The following RNF32 variants were observed in gnomAD, a reference collection of about 807,000 sequenced individuals.
RNF32 encodes the protein ring finger protein 32.
A neutral mutation model predicts 41.0 loss-of-function variants in RNF32; 36 were observed. The ratio of observed to expected loss-of-function variants is 0.88; its 90% confidence interval spans 0.67 to 1.16. The LOEUF is 1.16. Among genes scored for constraint, RNF32 ranks in the 50% most tolerant of loss-of-function variants. The pLI, the probability that RNF32 is intolerant of heterozygous loss-of-function variation, is 0.00. For missense variants in RNF32, 413 were observed against 436.7 expected, an observed-to-expected ratio of 0.95 and a Z score of 0.48; for synonymous variants, 154 against 160.9, an observed-to-expected ratio of 0.96 and a Z score of 0.32.
chr7:156,666,074 T>C (rs1801299152), intron 7 of RNF32, among the ~76,000 whole-genome samples: 1 of 152,136 alleles, frequency 6.6e-6, no homozygotes, highest in Non-Finnish European at 1.5e-5. Context: ...AAGTTGCCTT[T>C]GGGGAAAGAG....
In RNF32 at chr7:156,658,214, C is replaced by T. The variant is rs144743456; in HGVS notation, c.537C>T (p.His179=). 105 of 1,614,038 alleles carry T rather than the reference C, an allele frequency of 6.5e-5. No homozygotes were observed. The highest frequency in any genetic ancestry group is 5.0e-5 in the Non-Finnish European group (59 of 1,180,004). ...ACCAGTATCAAACCCGAGTGATACACGATGGGGCCCGCCTGTTCAGAATCA... is the reference window on the plus strand; with the variant it reads ...ACCAGTATCAAACCCGAGTGATACATGATGGGGCCCGCCTGTTCAGAATCA... ...RKNQYQTRVI[H]DGARLFRIKC... is the part of the protein sequence containing the mutation. Residue 179 remains histidine, a synonymous_variant, in exon 6 of 9, where the codon CAC becomes CAT. Coordinates refer to ENST00000317955, the MANE Select transcript of RNF32 (RefSeq NM_030936.4).
chr7:156,640,244 T>C (rs765944439), upstream of RNF32: 2 of 448,334 alleles, frequency 4.5e-6, no homozygotes, highest in South Asian at 3.1e-5. Context: ...TGCCCTCGAC[T>C]AACAGCGCAG....
At position 156,676,401 on chromosome 7, in the gene RNF32, C is replaced by G; in HGVS notation, c.853-18C>G. On this transcript the variant is annotated intron_variant, in intron 8 of 8. Coordinates refer to ENST00000317955, the MANE Select transcript of RNF32 (RefSeq NM_030936.4). ...TGAAACTAACCCGCGTGGCCTCTTC[C>G]CGTCCTGTGTGCCGCAGGCTCTGCG... The G allele has an allele frequency of 6.2e-7, 1 of 1,614,056 alleles. No homozygotes were observed. The highest frequency in any genetic ancestry group is 8.5e-7 in the Non-Finnish European group (1 of 1,180,000).
upstream of RNF32, chr7:156,640,731 G>T (rs1174824122): frequency 3.6e-6 from 1 of 277,570 alleles, no homozygotes; most frequent in Non-Finnish European, 7.0e-6. Flanking sequence ...GCGTTGCTAC[G>T]GCAACGGTGG....
Position 156,676,388 on chromosome 7 carries a change from G to A in RNF32, c.853-31G>A, listed in dbSNP as rs200884632. ...CTTTCTGCTGTGATGAAACTAACCC[G>A]CGTGGCCTCTTCCCGTCCTGTGTGC... On this transcript the variant is annotated intron_variant, in intron 8 of 8. Coordinates refer to ENST00000317955, the MANE Select transcript of RNF32 (RefSeq NM_030936.4). 1.1e-5 allele frequency: 18 copies of A among 1,614,002 alleles called. No homozygotes were observed. In the East Asian group the frequency reaches 1.6e-4, roughly 14 times the overall value.
In RNF32 at chr7:156,654,721, GT is replaced by G; in HGVS notation, c.417+6del. Reference sequence around the variant, plus strand: ...AAGAATTCGAGCTTCGTCCTCAGGTGTTTAGCATACGAGGGTGAGCTAGAGA... The same window carrying G: ...AAGAATTCGAGCTTCGTCCTCAGGTGTTAGCATACGAGGGTGAGCTAGAGA... On this transcript the variant is annotated splice_donor_region_variant and intron_variant, in intron 4 of 8. Transcript: ENST00000317955. 2 of 1,613,512 alleles carry G rather than the reference GT, an allele frequency of 1.2e-6. No individual in the cohort carries two copies. Among genetic ancestry groups the G allele is most frequent in the Non-Finnish European group, 1.7e-6 (2 of 1,179,526 alleles).
In RNF32 at chr7:156,656,198, A is replaced by G. The variant is rs562824655; in HGVS notation, c.418-1343A>G. Among the ~76,000 whole-genome samples the G allele has an allele frequency of 3.9e-5, 6 of 152,376 alleles. No individual in the cohort carries two copies. The South Asian group carries it at 1.2e-3, about 32-fold the overall frequency. On this transcript the variant is annotated intron_variant, in intron 4 of 8. Transcript: ENST00000317955. ...AATAAAAACAATTCAAATGACTCAT[A>G]GTAGGCCGACGCAGAAAGTATCAGA... is the stretch of plus-strand genomic sequence containing the variant.
At chr7:156,668,725 T>A (rs1801790168) in intron 7 of RNF32, among the ~76,000 whole-genome samples, 1 of 152,194 alleles carries the variant, frequency 6.6e-6, no homozygotes, top group African/African-American at 2.4e-5. Flanking sequence ...AGCTCTCTGT[T>A]AAAGGAACCA....
intron 7 of RNF32, 73 bp downstream of exon 7, chr7:156,658,643 C>T: frequency 1.0e-6 from 1 of 986,544 alleles, no homozygotes; most frequent in Non-Finnish European, 1.6e-6. Flanking sequence ...GGAAGGCTAA[C>T]AGAGGTGGTA....
upstream of RNF32, chr7:156,640,574 C>A (rs1202978860): frequency 2.5e-6 from 1 of 401,564 alleles, no homozygotes; most frequent in South Asian, 1.7e-5. Context: ...GGGCGGGGGC[C>A]GGCGAGCATG....
intron 3 of RNF32, among the ~76,000 whole-genome samples, chr7:156,653,519 C>T (rs1232325133): frequency 2.0e-5 from 3 of 152,188 alleles, no homozygotes; most frequent in African/African-American, 4.8e-5. Context: ...TTTCTGTACT[C>T]GAAAGTGTCC....
Position 156,644,596 on chromosome 7 carries a change from A to G in RNF32, c.113A>G (p.Asp38Gly). The change falls in exon 3 of 9, where the codon GAT becomes GGT. Residue 38 changes from aspartate to glycine, a missense_variant. Asp to Gly is a moderately conservative substitution (Grantham distance 94). Transcript: ENST00000317955. ...CAACTTCGAAATCTTTCAGTTGCAGATCATTCTAAGACACAAGTACAAAAG... is the reference window on the plus strand; with the variant it reads ...CAACTTCGAAATCTTTCAGTTGCAGGTCATTCTAAGACACAAGTACAAAAG... ...DLQLRNLSVA[D>G]HSKTQVQKKE... 6.2e-7 allele frequency: 1 copy of G among 1,613,564 alleles called. No homozygotes were observed. Among genetic ancestry groups the G allele is most frequent in the South Asian group, 1.1e-5 (1 of 91,042 alleles).
At chr7:156,645,331 C>A (rs1329915412) in intron 3 of RNF32, among the ~76,000 whole-genome samples, 3 of 152,204 alleles carry the variant, frequency 2.0e-5, no homozygotes, top group Non-Finnish European at 4.4e-5. Context: ...ACGCACGGGC[C>A]AGCATCATGT....
intron 7 of RNF32, among the ~76,000 whole-genome samples, chr7:156,671,328 G>C (rs371342070): frequency 6.6e-6 from 1 of 152,058 alleles, no homozygotes; most frequent in East Asian, 1.9e-4. Context: ...AACGCGAACA[G>C]TGTGTGTGTG....
In RNF32 at chr7:156,670,555, T is replaced by C. The variant is rs1441377977; in HGVS notation, c.685-5141T>C. Among the ~76,000 whole-genome samples the C allele has an allele frequency of 6.6e-6, 1 of 152,168 alleles. No individual in the cohort carries two copies. The highest frequency in any genetic ancestry group is 1.5e-5 in the Non-Finnish European group (1 of 68,040). On this transcript the variant is annotated intron_variant, in intron 7 of 8. Transcript: ENST00000317955. This position sits in a 1 kb window ranked among gnomAD's most constrained non-coding sequence, Gnocchi z 4.3. ...TTAAGAAGCCCAAGGAAGCCCAATA[T>C]GATTTTGTTTTAAGTGTCTAGTGAG...
At chr7:156,654,465 A>G in intron 3 of RNF32, 111 bp from the exon 4 acceptor site, 2 of 848,196 alleles carry the variant, frequency 2.4e-6, no homozygotes, top group Admixed American at 2.6e-5. Context: ...AAAGTATGTG[A>G]TCTATATGTA....
At chr7:156,657,809 A>G (rs912031548) in intron 5 of RNF32, 2 of 602,510 alleles carry the variant, frequency 3.3e-6, no homozygotes, top group Non-Finnish European at 5.9e-6. Context: ...TCAGTAATGC[A>G]TGTCAAAGTG....
At chr7:156,650,336 CG>C (rs1289362476) in intron 3 of RNF32, among the ~76,000 whole-genome samples, 1 of 152,162 alleles carries the variant, frequency 6.6e-6, no homozygotes, top group African/African-American at 2.4e-5. Flanking sequence ...TCACCTGAGA[CG>C]GTCACATGCC....
chr7:156,660,172 GC>G, intron 7 of RNF32: 1 of 985,512 alleles, frequency 1.0e-6, no homozygotes, highest in Non-Finnish European at 1.2e-6. Flanking sequence ...ACTCTTGCCC[GC>G]CCCCGCATGT....
Sources: gnomAD v4.1 joint callset for allele counts (sites outside exome capture counted in the v4.1 genomes callset) on GRCh38, gnomAD v4.1.1 for gene constraint, Gnocchi (gnomAD v3.1) non-coding constraint, MANE v1.5 for transcripts, NCBI Gene and HGNC (gene_info 2026-07-23, HGNC 2026-07-21) for gene names.